Variants in ABRACL observed in about 807,000 individuals in gnomAD.
ABRACL encodes the protein costars family protein ABRACL.
A neutral mutation model predicts 7.0 loss-of-function variants in ABRACL; 4 were observed. The ratio of observed to expected loss-of-function variants is 0.57; its 90% CI spans 0.28 to 1.30. ABRACL has a LOEUF of 1.30. ABRACL is among the 50% of genes most tolerant of loss of function. The pLI is 0.10. For synonymous variants in ABRACL, 30 were observed against 36.0 expected (o/e 0.83, Z 0.60); for missense variants, 104 against 97.3 (o/e 1.07, Z -0.29).
intron 2 of ABRACL, among the ~76,000 whole-genome samples, chr6:139,041,451 C>CTCTCTCTCTCTCTCTA (rs140091253): frequency 4.5e-5 from 5 of 110,038 alleles, no homozygotes; most frequent in African/African-American, 1.4e-4. Flanking sequence ...CTCTCTCTCT[C>CTCTCTCTCTCTCTCTA]TATATATATA....
At chr6:139,029,261 C>G (rs941372774) in intron 1 of ABRACL, among the ~76,000 whole-genome samples, 16 of 152,116 alleles carry the variant, frequency 1.1e-4, no homozygotes, top group Non-Finnish European at 2.1e-4. Context: ...AGAGGAGAGG[C>G]TGCCCCGAGG....
At chr6:139,041,940 G>A (rs141305023) in intron 2 of ABRACL, among the ~76,000 whole-genome samples, 42 of 152,186 alleles carry the variant, frequency 2.8e-4, no homozygotes, top group African/African-American at 9.6e-4. Context: ...TCAAGGAATG[G>A]TCCTCCCCTC....
rs1156911596 is a variant in ABRACL at position 139,030,738 on chromosome 6, CAAAAGA to C, written c.-7+1864_-7+1869del. Among the ~76,000 whole-genome samples, 9 of 152,032 alleles carry C rather than the reference CAAAAGA, an allele frequency of 5.9e-5. No homozygotes were observed. In the East Asian group the frequency reaches 1.7e-3, roughly 29 times the overall value. Reference sequence around the variant, plus strand: ...TATATTTAGTGTATTTGCATAATGGCAAAAGAGGAAGAGGAAGCGGGGAAACAGCCA... The same window carrying C: ...TATATTTAGTGTATTTGCATAATGGCGGAAGAGGAAGCGGGGAAACAGCCA... On this transcript the variant is annotated intron_variant, in intron 1 of 2. Transcript: ENST00000367660.
At chr6:139,031,406 G>GT (rs145439820) in intron 1 of ABRACL, among the ~76,000 whole-genome samples, 18 of 152,122 alleles carry the variant, frequency 1.2e-4, no homozygotes, top group South Asian at 1.0e-3. Context: ...AAGAGCTTTA[G>GT]TTTTTTTTGT....
chr6:139,029,566 C>T (rs936315102), intron 1 of ABRACL, among the ~76,000 whole-genome samples: 2 of 152,130 alleles, frequency 1.3e-5, no homozygotes, highest in African/African-American at 4.8e-5. Context: ...GGCCCAGCCC[C>T]GCGCTCCCCA....
intron 2 of ABRACL, among the ~76,000 whole-genome samples, chr6:139,040,795 C>A (rs1582902007): frequency 6.6e-6 from 1 of 152,194 alleles, no homozygotes; most frequent in Non-Finnish European, 1.5e-5. Context: ...GGTGAGTAAA[C>A]TTCACGCTGG....
intron 1 of ABRACL, among the ~76,000 whole-genome samples, chr6:139,031,528 C>T (rs62441850): frequency 6.6e-6 from 1 of 152,054 alleles, no homozygotes; most frequent in East Asian, 1.9e-4. Context: ...GGAAAGATAC[C>T]GGTTCATGTA....
At chr6:139,034,357 G>C in intron 2 of ABRACL, 136 bp downstream of exon 2, 2 of 1,570,610 alleles carry the variant, frequency 1.3e-6, no homozygotes, top group Non-Finnish European at 1.7e-6. Context: ...CACAGCCCCA[G>C]GTTATAACTG....
intron 1 of ABRACL, among the ~76,000 whole-genome samples, chr6:139,032,781 T>G (rs1308101105): frequency 6.6e-6 from 1 of 152,246 alleles, no homozygotes; most frequent in African/African-American, 2.4e-5. Flanking sequence ...ACCCAGTTGC[T>G]CATACTTCCT....
intron 1 of ABRACL, among the ~76,000 whole-genome samples, chr6:139,031,640 C>T (rs1179158685): frequency 6.6e-6 from 1 of 152,176 alleles, no homozygotes; most frequent in Non-Finnish European, 1.5e-5. Context: ...ACATGGTGGC[C>T]ATTGACATCA....
rs759752491 is a variant in ABRACL at position 139,034,221 on chromosome 6, A to C, written c.61A>C (p.Asn21His). The change falls in exon 2 of 3, where the codon AAT becomes CAT. Residue 21 changes from asparagine to histidine, a missense_variant and splice_region_variant. Physicochemically the swap from Asn to His is moderately conservative, Grantham distance 68. Transcript: ENST00000367660. Reference sequence around the variant, plus strand: ...GGAAATTCATCGTTTGGGTTCAAAAAGTAAGTATCTGACAGAGATAGAGTA... The same window carrying C: ...GGAAATTCATCGTTTGGGTTCAAAACGTAAGTATCTGACAGAGATAGAGTA... ...VEEIHRLGSKNADGKLSVKFG... is the reference protein window; with the variant it reads ...VEEIHRLGSKHADGKLSVKFG... The C allele has an allele frequency of 8.7e-6, 14 of 1,614,236 alleles. No homozygotes were observed. Among genetic ancestry groups the C allele is most frequent in the Admixed American group, 1.7e-5 (1 of 60,032 alleles).
At chr6:139,032,826 G>A (rs372304344) in intron 1 of ABRACL, among the ~76,000 whole-genome samples, 2 of 152,284 alleles carry the variant, frequency 1.3e-5, no homozygotes, top group East Asian at 1.9e-4. Flanking sequence ...TCCCTCTCAT[G>A]CCTTTGCGTG....
chr6:139,033,791 C>A (rs2114301994), intron 1 of ABRACL, among the ~76,000 whole-genome samples: 1 of 151,738 alleles, frequency 6.6e-6, no homozygotes, highest in Non-Finnish European at 1.5e-5. Flanking sequence ...GAGGGCAGAT[C>A]CTGTGCTACA....
intron 2 of ABRACL, among the ~76,000 whole-genome samples, chr6:139,040,819 A>G (rs1035834566): frequency 2.0e-5 from 3 of 152,046 alleles, no homozygotes; most frequent in African/African-American, 7.2e-5. Flanking sequence ...CTGTTCCCCC[A>G]GCCACCTTAC....
At chr6:139,040,175 T>A (rs1786224146) in intron 2 of ABRACL, among the ~76,000 whole-genome samples, 1 of 152,196 alleles carries the variant, frequency 6.6e-6, no homozygotes, top group South Asian at 2.1e-4. Context: ...TTCCACATTT[T>A]TTCTTCCACA....
intron 1 of ABRACL, among the ~76,000 whole-genome samples, chr6:139,032,583 G>A (rs572975469): frequency 1.3e-5 from 2 of 152,300 alleles, no homozygotes; most frequent in African/African-American, 4.8e-5. Flanking sequence ...TAAGCAGGTG[G>A]TATATAGTCA....
chr6:139,034,213 G>A lies in ABRACL; in HGVS notation c.53G>A (p.Gly18Asp). 1 of 1,614,166 alleles carries A rather than the reference G, an allele frequency of 6.2e-7. No homozygotes were observed. The highest frequency in any genetic ancestry group is 8.5e-7 in the Non-Finnish European group (1 of 1,180,038). ...NLLVEEIHRL[G>D]SKNADGKLSV... ...TTAGTGGAGGAAATTCATCGTTTGG[G>A]TTCAAAAAGTAAGTATCTGACAGAG... Residue 18 changes from glycine (G) to aspartate (D), a missense_variant, in exon 2 of 3, where the codon GGT (glycine) becomes GAT (aspartate). Physicochemically the swap from Gly to Asp is moderately conservative, Grantham distance 94 (BLOSUM62 -1). Transcript: ENST00000367660.
chr6:139,032,034 C>A (rs940397884), intron 1 of ABRACL, among the ~76,000 whole-genome samples: 4 of 151,690 alleles, frequency 2.6e-5, no homozygotes, highest in Non-Finnish European at 5.9e-5. Flanking sequence ...GATCTCGGCT[C>A]ACTGCAAGCT....
At chr6:139,028,934 G>C (rs1786034162) in intron 1 of ABRACL, 59 bp downstream of exon 1, 1 of 152,370 alleles carries the variant, frequency 6.6e-6, no homozygotes, top group South Asian at 2.1e-4. Context: ...GGTGTCCGTG[G>C]TGCGCCGCCG....
Sources: allele counts gnomAD v4.1 joint callset (sites outside exome capture counted in the v4.1 genomes callset), GRCh38; gene constraint gnomAD v4.1.1; transcripts MANE v1.5; gene names NCBI Gene and HGNC (gene_info 2026-07-23, HGNC 2026-07-21).